Variants in TRIM71 observed in about 807,000 individuals in gnomAD.
The protein encoded by TRIM71 is tripartite motif containing 71.
Under a neutral mutation model 61.2 loss-of-function variants are expected in TRIM71, and 9 were observed. That is an observed-to-expected ratio of 0.15 (90% CI 0.09 to 0.26). The LOEUF (loss-of-function observed/expected upper bound fraction) is 0.26. Ranked by LOEUF, TRIM71 falls within the 10% of genes least tolerant of loss-of-function variation. TRIM71 has a pLI of 1.00. For synonymous variants in TRIM71, 645 were observed against 553.2 expected (o/e 1.17, Z -2.33); for missense variants, 998 against 1,238.7 (o/e 0.81, Z 2.92).
intron 1 of TRIM71, among the ~76,000 whole-genome samples, chr3:32,833,351 T>C (rs1295683778): frequency 6.6e-6 from 1 of 152,064 alleles, no homozygotes; most frequent in Non-Finnish European, 1.5e-5. Flanking sequence ...TAAAGTAAGC[T>C]CTGGGGAAAC....
In TRIM71 at chr3:32,890,202, A is replaced by T. The variant is rs1486058657; in HGVS notation, c.1156-158A>T. 6.6e-6 allele frequency among the ~76,000 whole-genome samples: 1 copy of T among 151,912 alleles called. No homozygotes were observed. The highest frequency in any genetic ancestry group is 2.4e-5 in the African/African-American group (1 of 41,360). ...TCTTCAGGTTTTTTGGTCCATTTTG[A>T]TTTTGCTGCTTTTGAAGAAAGACAG... On this transcript the variant is annotated intron_variant, in intron 3 of 3. Coordinates refer to ENST00000383763, the MANE Select transcript of TRIM71 (RefSeq NM_001039111.3). This position sits in a 1 kb window ranked among gnomAD's most constrained non-coding sequence, Gnocchi z 6.2.
intron 1 of TRIM71, among the ~76,000 whole-genome samples, chr3:32,844,031 C>CGAAGTATT (rs1251049663): frequency 6.6e-6 from 1 of 152,116 alleles, no homozygotes; most frequent in African/African-American, 2.4e-5. Flanking sequence ...CTATGAGAGC[C>CGAAGTATT]GAAGTATTTT....
chr3:32,854,305 A>G (rs891846508), intron 1 of TRIM71, among the ~76,000 whole-genome samples: 2 of 152,176 alleles, frequency 1.3e-5, no homozygotes, highest in Non-Finnish European at 2.9e-5. Context: ...CTACATTCCC[A>G]TTTTAATAGT....
intron 1 of TRIM71, among the ~76,000 whole-genome samples, chr3:32,867,373 A>T (rs1366211788): frequency 2.0e-5 from 3 of 152,182 alleles, no homozygotes. Context: ...GGTAAAAATG[A>T]TTGATCATTT....
intron 1 of TRIM71, among the ~76,000 whole-genome samples, chr3:32,863,929 G>A (rs1013621762): frequency 3.9e-5 from 6 of 152,110 alleles, no homozygotes; most frequent in Admixed American, 3.9e-4. Flanking sequence ...TGGTCCACCC[G>A]CCTCGGCCTC....
At chr3:32,837,813 GAAA>G (rs59501831) in intron 1 of TRIM71, among the ~76,000 whole-genome samples, 2 of 151,566 alleles carry the variant, frequency 1.3e-5, no homozygotes, top group Non-Finnish European at 2.9e-5. Context: ...CTCAAAAAAA[GAAA>G]AAAAACCTCC....
chr3:32,839,352 T>A (rs975057534), intron 1 of TRIM71, among the ~76,000 whole-genome samples: 1 of 151,992 alleles, frequency 6.6e-6, no homozygotes, highest in Non-Finnish European at 1.5e-5. Flanking sequence ...TGCCTCAGCC[T>A]CTTGAGTAGC....
chr3:32,825,681 AT>A (rs1268133322), intron 1 of TRIM71, among the ~76,000 whole-genome samples: 1 of 152,132 alleles, frequency 6.6e-6, no homozygotes, highest in Non-Finnish European at 1.5e-5. Context: ...TATCTCTGAC[AT>A]TTTGGAAGCG....
intron 1 of TRIM71, among the ~76,000 whole-genome samples, chr3:32,851,326 G>C (rs1157577994): frequency 6.6e-6 from 1 of 152,196 alleles, no homozygotes; most frequent in African/African-American, 2.4e-5. Flanking sequence ...CCAAGCCAAT[G>C]AGGAGGATAA....
chr3:32,874,367 T>TACTACTACTACTACA (rs776234839), intron 2 of TRIM71, among the ~76,000 whole-genome samples: 2 of 110,994 alleles, frequency 1.8e-5, no homozygotes, highest in Non-Finnish European at 4.3e-5. Context: ...CTACTACTAC[T>TACTACTACTACTACA]ACAACATATT....
chr3:32,863,518 G>A (rs1006052860), intron 1 of TRIM71, among the ~76,000 whole-genome samples: 2 of 152,086 alleles, frequency 1.3e-5, no homozygotes, highest in African/African-American at 4.8e-5. Context: ...GGTCCCTCTA[G>A]TTCACCCTCG....
chr3:32,846,363 C>T (rs1265000126), intron 1 of TRIM71, among the ~76,000 whole-genome samples: 1 of 152,234 alleles, frequency 6.6e-6, no homozygotes, highest in African/African-American at 2.4e-5. Context: ...GCGTGAGCCA[C>T]TATGCCTGGC....
intron 3 of TRIM71, among the ~76,000 whole-genome samples, chr3:32,888,434 CAAAAAAAAAAAAAAAAAAAA>C (rs56834147): frequency 2.8e-4 from 27 of 95,858 alleles, no homozygotes; most frequent in African/African-American, 1.1e-3. Flanking sequence ...CCATCTCTAC[CAAAAAAAAAAAAAAAAAAAA>C]AAAAAAAAAA....
At chr3:32,879,405 C>G (rs763332583) in intron 2 of TRIM71, among the ~76,000 whole-genome samples, 1 of 152,172 alleles carries the variant, frequency 6.6e-6, no homozygotes, top group Non-Finnish European at 1.5e-5. Flanking sequence ...TAGCTTTCTA[C>G]TTGCTTTCTT....
At chr3:32,860,779 G>C (rs1468622614) in intron 1 of TRIM71, among the ~76,000 whole-genome samples, 2 of 152,232 alleles carry the variant, frequency 1.3e-5, no homozygotes, top group Non-Finnish European at 2.9e-5. Flanking sequence ...GCTCTGCGTG[G>C]CTGGCCTGTT....
intron 1 of TRIM71, among the ~76,000 whole-genome samples, chr3:32,859,730 G>A (rs538768081): frequency 6.6e-6 from 1 of 152,286 alleles, no homozygotes; most frequent in African/African-American, 2.4e-5. Context: ...CACTTCACTT[G>A]GTCTTTGCTT....
At position 32,825,312 on chromosome 3, in the gene TRIM71, C is replaced by CT. The variant is rs536941874; in HGVS notation, c.852+6388dup. ...TCAATGAAGTTAAATGGCTAAAACG[C>CT]TTTTTTTTAAGTGGTTTGCCAGGGT... On this transcript the variant is annotated intron_variant, in intron 1 of 3. Transcript: ENST00000383763. 2.5e-3 allele frequency among the ~76,000 whole-genome samples: 373 copies of CT among 151,920 alleles called. 1 individual carries two copies. Among genetic ancestry groups the CT allele is most frequent in the Non-Finnish European group, 2.3e-3 (153 of 67,940 alleles).
chr3:32,883,776 TA>T (rs1312678345), intron 2 of TRIM71, among the ~76,000 whole-genome samples: 1 of 152,246 alleles, frequency 6.6e-6, no homozygotes, highest in African/African-American at 2.4e-5. Context: ...ATTGTTCTGC[TA>T]ATTGTTCTGC....
chr3:32,847,646 T>C lies in TRIM71; in HGVS notation c.853-26172T>C, dbSNP rs542290305. Among the ~76,000 whole-genome samples, 4 of 152,356 alleles carry C rather than the reference T, an allele frequency of 2.6e-5. No homozygotes were observed. The South Asian group carries it at 6.2e-4, about 24-fold the overall frequency. On this transcript the variant is annotated intron_variant, in intron 1 of 3. Transcript: ENST00000383763. ...TTACTGTATCCTTACATTTGGCAAG[T>C]ACACATTGACTATCTGTCTTGAGCT... is the stretch of plus-strand genomic sequence containing the variant.
Sources: allele counts gnomAD v4.1 joint callset (sites outside exome capture counted in the v4.1 genomes callset), GRCh38; gene constraint gnomAD v4.1.1; non-coding constraint Gnocchi (gnomAD v3.1); transcripts MANE v1.5; gene names NCBI Gene and HGNC (gene_info 2026-07-23, HGNC 2026-07-21).